The following FARP1 variants were observed in gnomAD, a reference collection of about 807,000 sequenced individuals.
FARP1 encodes the protein FERM, ARH/RhoGEF and pleckstrin domain protein 1.
FARP1 carries 52 observed loss-of-function variants against 128.8 expected under a neutral mutation model. The ratio of observed to expected loss-of-function variants is 0.40; its 90% confidence interval spans 0.32 to 0.51. The LOEUF (loss-of-function observed/expected upper bound fraction) is 0.51, where lower values mean the gene tolerates loss of function less well. FARP1 is among the 20% of genes least tolerant of loss of function. The probability of loss-of-function intolerance (pLI) is 0.45; values close to 1 mark genes in which losing one functional copy is unlikely to be tolerated. For synonymous variants in FARP1, 580 were observed against 551.8 expected (o/e 1.05, Z -0.72); for missense variants, 1,333 against 1,367.9 (o/e 0.97, Z 0.40).
chr13:98,186,431 TTCTC>T (rs1331961781), intron 1 of FARP1, among the ~76,000 whole-genome samples: 1 of 152,092 alleles, frequency 6.6e-6, no homozygotes, highest in African/African-American at 2.4e-5. Context: ...TCCATCTTTC[TTCTC>T]TCTCTCCCCT....
At chr13:98,307,743 A>G (rs1886229542) in intron 2 of FARP1, among the ~76,000 whole-genome samples, 1 of 152,184 alleles carries the variant, frequency 6.6e-6, no homozygotes, top group Non-Finnish European at 1.5e-5. Context: ...ACTAACTGGA[A>G]ATAATGAAGC....
chr13:98,205,604 AG>A (rs1391406302), intron 1 of FARP1, among the ~76,000 whole-genome samples: 1 of 152,104 alleles, frequency 6.6e-6, no homozygotes, highest in Non-Finnish European at 1.5e-5. Flanking sequence ...TGTGTTAGCC[AG>A]GGTGGTCTCG....
intron 13 of FARP1, chr13:98,401,318 C>T (rs1014726270): frequency 6.6e-6 from 1 of 150,952 alleles, no homozygotes; most frequent in African/African-American, 2.4e-5. Flanking sequence ...CACACCTCTC[C>T]CAGTTGTTGG....
intron 5 of FARP1, among the ~76,000 whole-genome samples, chr13:98,373,347 A>G (rs1446953435): frequency 6.6e-6 from 1 of 152,238 alleles, no homozygotes; most frequent in African/African-American, 2.4e-5. Flanking sequence ...ATGTCATTTT[A>G]AAACATGAAG....
intron 1 of FARP1, among the ~76,000 whole-genome samples, chr13:98,184,434 T>C (rs1878726601): frequency 6.6e-6 from 1 of 152,222 alleles, no homozygotes; most frequent in South Asian, 2.1e-4. Flanking sequence ...GTCATTTTAA[T>C]GTGTCATTTT....
In FARP1 at chr13:98,393,688, T is replaced by C; in HGVS notation, c.1134T>C (p.Pro378=). The change falls in exon 12 of 27, where the codon CCT becomes CCC. Residue 378 remains proline (P), a synonymous_variant. Coordinates refer to ENST00000319562, the MANE Select transcript of FARP1 (RefSeq NM_005766.4). ...IHSIRSLASQ[P]TELNSEVLEQ... ...CTATCCGGAGCCTTGCTTCACAGCCTACAGAACTGAATTCGGAAGTGCTGG... is the reference window on the plus strand; with the variant it reads ...CTATCCGGAGCCTTGCTTCACAGCCCACAGAACTGAATTCGGAAGTGCTGG... 1 of 1,614,142 alleles carries C rather than the reference T, an allele frequency of 6.2e-7. No homozygotes were observed. Among genetic ancestry groups the C allele is most frequent in the Non-Finnish European group, 8.5e-7 (1 of 1,179,956 alleles).
At chr13:98,447,182 C>T (rs978019851) in intron 26 of FARP1, 22 of 188,280 alleles carry the variant, frequency 1.2e-4, no homozygotes, top group African/African-American at 4.0e-4. Context: ...ACAGTCAGGC[C>T]TAAGACTGTT....
At chr13:98,251,567 C>T (rs1202881766) in intron 2 of FARP1, among the ~76,000 whole-genome samples, 2 of 151,768 alleles carry the variant, frequency 1.3e-5, no homozygotes, top group Admixed American at 1.3e-4. Flanking sequence ...CCTGTAATCC[C>T]AGCTACTTGG....
intron 1 of FARP1, among the ~76,000 whole-genome samples, chr13:98,203,364 C>G (rs1176032531): frequency 6.6e-6 from 1 of 152,174 alleles, no homozygotes; most frequent in Non-Finnish European, 1.5e-5. Context: ...TTTCTATCTC[C>G]CCAAAAAGAC....
intron 1 of FARP1, among the ~76,000 whole-genome samples, chr13:98,157,137 A>G (rs775840717): frequency 2.0e-5 from 3 of 152,228 alleles, no homozygotes; most frequent in African/African-American, 4.8e-5. Context: ...AGTTTTAGAA[A>G]GCATGAATCA....
At chr13:98,340,344 A>G (rs1236635163) in intron 2 of FARP1, among the ~76,000 whole-genome samples, 3 of 152,130 alleles carry the variant, frequency 2.0e-5, no homozygotes, top group Non-Finnish European at 4.4e-5. Flanking sequence ...ATTCTTCCAC[A>G]AGTTCTTATC....
chr13:98,414,888 G>A (rs1891319487), intron 16 of FARP1, among the ~76,000 whole-genome samples: 1 of 152,228 alleles, frequency 6.6e-6, no homozygotes, highest in Non-Finnish European at 1.5e-5. Flanking sequence ...CTCCCATCAG[G>A]TACCTGCAGT....
intron 16 of FARP1, among the ~76,000 whole-genome samples, chr13:98,422,823 G>A (rs775717411): frequency 1.9e-4 from 29 of 152,168 alleles, no homozygotes; most frequent in Non-Finnish European, 3.7e-4. Flanking sequence ...GCCATTTCTC[G>A]CGTTGCCGGA....
chr13:98,204,034 A>C (rs1880115114), intron 1 of FARP1: 2 of 152,088 alleles, frequency 1.3e-5, no homozygotes, highest in African/African-American at 4.8e-5. Context: ...TGCCAAGCAC[A>C]CAGTTTTGGA....
intron 2 of FARP1, chr13:98,328,979 C>T (rs767291721): frequency 3.3e-5 from 5 of 152,158 alleles, no homozygotes; most frequent in Non-Finnish European, 5.9e-5. Flanking sequence ...GCAAGACTGA[C>T]GATAAGGGAG....
At chr13:98,422,279 G>A (rs1284173571) in intron 16 of FARP1, among the ~76,000 whole-genome samples, 1 of 150,954 alleles carries the variant, frequency 6.6e-6, no homozygotes, top group Non-Finnish European at 1.5e-5. Flanking sequence ...AGGAGGAGGG[G>A]AGGTGGGCTC....
rs765939276 is a variant in FARP1, at chr13:98,440,759, C to T, written c.2719C>T (p.Arg907Cys). 2.0e-5 allele frequency: 33 copies of T among 1,613,232 alleles called. No individual in the cohort carries two copies. The highest frequency in any genetic ancestry group is 1.1e-4 in the East Asian group (5 of 44,884). Residue 907 changes from arginine (R) to cysteine (C), a missense_variant, in exon 24 of 27, where the codon CGC (arginine) becomes TGC (cysteine). Transcript: ENST00000319562. ...ATCGCTGGAGCGCCAGGCCCCGCAC[C>T]GCGGCAACACAATGGTGCACGTGTG... is the stretch of plus-strand genomic sequence containing the variant. ...RTSLERQAPH[R>C]GNTMVHVCWH...
At chr13:98,234,585 G>A (rs932672809) in intron 2 of FARP1, 5 of 152,140 alleles carry the variant, frequency 3.3e-5, no homozygotes, top group Non-Finnish European at 2.9e-5. Context: ...TAGTGTGTTA[G>A]TTATTATGGA....
At chr13:98,369,816 A>C (rs1889253896) in intron 5 of FARP1, among the ~76,000 whole-genome samples, 1 of 152,200 alleles carries the variant, frequency 6.6e-6, no homozygotes, top group Non-Finnish European at 1.5e-5. Context: ...CATGGTGTTC[A>C]AGCAGTGACT....
Sources: allele counts gnomAD v4.1 joint callset (sites outside exome capture counted in the v4.1 genomes callset), GRCh38; gene constraint gnomAD v4.1.1; transcripts MANE v1.5; gene names NCBI Gene and HGNC (gene_info 2026-07-23, HGNC 2026-07-21).